PLEKHG7: variants seen among roughly 807,000 people sequenced by gnomAD.
PLEKHG7 encodes pleckstrin homology domain-containing family G member 7.
In PLEKHG7, 77 loss-of-function variants were observed where a neutral mutation model predicts 85.2. The observed-to-expected ratio is 0.90, with a 90% CI of 0.75 to 1.09. The LOEUF (loss-of-function observed/expected upper bound fraction) is 1.09. Among genes scored for constraint, PLEKHG7 ranks in the 50% least tolerant of loss-of-function variants. The probability of loss-of-function intolerance (pLI) is 0.00; values close to 1 mark genes in which losing one functional copy is unlikely to be tolerated. For synonymous variants in PLEKHG7, 301 were observed against 302.4 expected (o/e 1.00, Z 0.05); for missense variants, 777 against 804.3 (o/e 0.97, Z 0.41).
chr12:92,720,537 G>C (rs990366364), intron 3 of PLEKHG7, among the ~76,000 whole-genome samples: 2 of 152,106 alleles, frequency 1.3e-5, no homozygotes, highest in Non-Finnish European at 1.5e-5. Context: ...ATCTTGGCCA[G>C]CTGGTCTCGA....
intron 13 of PLEKHG7, 110 bp from the exon 14 acceptor site, chr12:92,761,639 AAAG>A: frequency 6.0e-6 from 3 of 497,858 alleles, no homozygotes; most frequent in South Asian, 3.7e-5. Flanking sequence ...AGAAAGAAAG[AAAG>A]AAAGAAAGAA....
At position 92,754,213 on chromosome 12, in the gene PLEKHG7, G is replaced by A. The variant is rs1385307644; in HGVS notation, c.1375G>A (p.Ala459Thr). 8.1e-6 allele frequency: 13 copies of A among 1,613,886 alleles called. No homozygotes were observed. Among genetic ancestry groups the A allele is most frequent in the Non-Finnish European group, 9.3e-6 (11 of 1,179,968 alleles). ...TATCTGGAAAAGGAGCATGGACTCT[G>A]CTGAGAAAATCATGATCTACTCCAT... ...KNIWKRSMDS[A>T]EKIMIYSIKE... is the part of the protein sequence containing the mutation. The change falls in exon 11 of 17, where the codon GCT becomes ACT. Residue 459 changes from alanine (A) to threonine (T), a missense_variant. Physicochemically the swap from Ala to Thr is moderately conservative, Grantham distance 58. Coordinates refer to ENST00000344636, the MANE Select transcript of PLEKHG7 (RefSeq NM_001377329.1).
intron 15 of PLEKHG7, among the ~76,000 whole-genome samples, chr12:92,766,737 C>G (rs976376177): frequency 3.9e-5 from 6 of 151,970 alleles, no homozygotes; most frequent in Admixed American, 3.3e-4. Context: ...GACAAAGGCA[C>G]GAGAATCACT....
chr12:92,726,120 G>A lies in PLEKHG7; in HGVS notation c.531-2873G>A, dbSNP rs1871808812. Among the ~76,000 whole-genome samples the A allele has an allele frequency of 3.3e-5, 5 of 152,186 alleles. 1 individual carries two copies. The South Asian group carries it at 1.0e-3, about 32-fold the overall frequency. On this transcript the variant is annotated intron_variant, in intron 3 of 16. Transcript: ENST00000344636. ...ATGGGATCCGAGAATGTGCAATTAA[G>A]AGGCAAGAGACGAAAGTGCAGGCAG...
chr12:92,768,701 G>A (rs1016930680), intron 15 of PLEKHG7, among the ~76,000 whole-genome samples: 6 of 152,178 alleles, frequency 3.9e-5, no homozygotes, highest in East Asian at 3.9e-4. Flanking sequence ...ACGAGCAGGG[G>A]CCCCATTACC....
Position 92,747,948 on chromosome 12 carries a change from A to G in PLEKHG7, c.1251+2357A>G, listed in dbSNP as rs77334603. 5.8e-3 allele frequency among the ~76,000 whole-genome samples: 890 copies of G among 152,346 alleles called. 13 individuals are homozygous for G. The highest frequency in any genetic ancestry group is 0.02 in the African/African-American group (815 of 41,576). ...TTGATGGGTGCAAACATACAGTTATAGAAGGAGTAAGTTCTAGTGCATGAT... is the reference window on the plus strand; with the variant it reads ...TTGATGGGTGCAAACATACAGTTATGGAAGGAGTAAGTTCTAGTGCATGAT... On this transcript the variant is annotated intron_variant, in intron 10 of 16. Transcript: ENST00000344636.
intron 3 of PLEKHG7, among the ~76,000 whole-genome samples, chr12:92,708,842 C>T (rs1042835998): frequency 6.6e-6 from 1 of 152,074 alleles, no homozygotes. Context: ...TACATGTTAC[C>T]AACAGTGGGA....
chr12:92,730,580 G>A (rs1257335779), intron 4 of PLEKHG7, among the ~76,000 whole-genome samples: 1 of 152,180 alleles, frequency 6.6e-6, no homozygotes, highest in Non-Finnish European at 1.5e-5. Context: ...ACCACGCCTG[G>A]CTAATTTTTT....
chr12:92,711,683 T>C (rs1871369743), intron 3 of PLEKHG7, among the ~76,000 whole-genome samples: 1 of 152,194 alleles, frequency 6.6e-6, no homozygotes, highest in Non-Finnish European at 1.5e-5. Flanking sequence ...CCTAGAGGTC[T>C]CTGCTGTGAT....
At chr12:92,753,365 G>A (rs939895425) in intron 10 of PLEKHG7, among the ~76,000 whole-genome samples, 4 of 152,042 alleles carry the variant, frequency 2.6e-5, no homozygotes, top group Admixed American at 6.5e-5. Flanking sequence ...TAAAACAAGC[G>A]TAAAAGCTAT....
intron 3 of PLEKHG7, among the ~76,000 whole-genome samples, chr12:92,715,018 G>GGATAGATAGATA (rs10563574): frequency 4.1e-5 from 6 of 147,426 alleles, no homozygotes; most frequent in Non-Finnish European, 6.0e-5. Flanking sequence ...AGAACTAATG[G>GGATAGATAGATA]GATAGATAGA....
At chr12:92,736,933 A>G (rs1189339896) in intron 6 of PLEKHG7, among the ~76,000 whole-genome samples, 2 of 152,072 alleles carry the variant, frequency 1.3e-5, no homozygotes, top group African/African-American at 4.8e-5. Context: ...GTCTCTTTGC[A>G]CTCTAAAGCT....
chr12:92,721,625 C>A, intron 3 of PLEKHG7: 1 of 773,776 alleles, frequency 1.3e-6, no homozygotes, highest in Admixed American at 7.0e-5. Context: ...AAGTCTGGGT[C>A]AGACACCCAG....
At chr12:92,712,589 C>A (rs1031247134) in intron 3 of PLEKHG7, among the ~76,000 whole-genome samples, 1 of 152,208 alleles carries the variant, frequency 6.6e-6, no homozygotes, top group African/African-American at 2.4e-5. Flanking sequence ...CTGCGTCTTT[C>A]GAGTCCTTGA....
At chr12:92,734,865 T>G (rs935357324) in intron 5 of PLEKHG7, among the ~76,000 whole-genome samples, 2 of 152,228 alleles carry the variant, frequency 1.3e-5, no homozygotes, top group African/African-American at 4.8e-5. Context: ...AACCTTGGCT[T>G]CTCGATTTCT....
intron 7 of PLEKHG7, among the ~76,000 whole-genome samples, chr12:92,738,608 T>A (rs1399696830): frequency 6.6e-6 from 1 of 152,238 alleles, no homozygotes; most frequent in Non-Finnish European, 1.5e-5. Context: ...TAAAGGAATG[T>A]GCATGACTGT....
intron 3 of PLEKHG7, among the ~76,000 whole-genome samples, chr12:92,714,284 G>A (rs953535250): frequency 6.6e-6 from 1 of 152,186 alleles, no homozygotes; most frequent in East Asian, 1.9e-4. Flanking sequence ...GGGTCAGGGT[G>A]GGGATGTTGC....
chr12:92,756,667 C>T (rs986735939), intron 13 of PLEKHG7, among the ~76,000 whole-genome samples: 1 of 152,270 alleles, frequency 6.6e-6, no homozygotes, highest in South Asian at 2.1e-4. Flanking sequence ...ACTTCGCTCA[C>T]GGTCTGGAAT....
chr12:92,725,650 C>G (rs10859373), intron 3 of PLEKHG7, among the ~76,000 whole-genome samples: 80,508 of 151,992 alleles, frequency 0.53, 22,213 homozygotes, highest in East Asian at 0.9. Context: ...TGTCTACACT[C>G]TGTATCTGAA....
Sources: allele counts gnomAD v4.1 joint callset (sites outside exome capture counted in the v4.1 genomes callset), GRCh38; gene constraint gnomAD v4.1.1; transcripts MANE v1.5; gene names NCBI Gene and HGNC (gene_info 2026-07-23, HGNC 2026-07-21).